The following CCNY variants were observed in gnomAD, a reference collection of about 807,000 sequenced individuals.
CCNY encodes cyclin Y, also known as cyclin-Y.
A neutral mutation model predicts 42.8 loss-of-function variants in CCNY; 19 were observed. That is an observed-to-expected ratio of 0.44 (90% CI 0.31 to 0.65). The LOEUF is 0.65. Ranked by LOEUF, CCNY falls within the 30% of genes least tolerant of loss-of-function variation. The probability of loss-of-function intolerance (pLI) is 0.07; values close to 1 mark genes in which losing one functional copy is unlikely to be tolerated. For missense variants in CCNY, 370 were observed against 437.3 expected (o/e 0.85, Z 1.37); for synonymous variants, 165 against 162.7 (o/e 1.01, Z -0.11).
rs185312004 is a variant in CCNY, at chr10:35,382,059, T to G, written c.154+44852T>G. 8.4e-3 allele frequency among the ~76,000 whole-genome samples: 1,277 copies of G among 152,018 alleles called. 7 individuals are homozygous for G. Among genetic ancestry groups the G allele is most frequent in the Non-Finnish European group, 0.012 (831 of 67,970 alleles). ...AATAATTTTTTTCATACATGGAGGG[T>G]GTGTTAAAAAATATTCCTTCCTGGG... On this transcript the variant is annotated intron_variant, in intron 1 of 9. Coordinates refer to ENST00000374704, the MANE Select transcript of CCNY (RefSeq NM_145012.6).
At position 35,412,048 on chromosome 10, in the gene CCNY, A is replaced by G. The variant is rs776164182; in HGVS notation, c.155-71356A>G. On this transcript the variant is annotated intron_variant, in intron 1 of 9. Transcript: ENST00000374704. ...AAGGAGCAGCTCCTGTGTGGGTCTG[A>G]GACATGCTGTTCTCATGGGAAAGGG... Among the ~76,000 whole-genome samples, 67 of 152,122 alleles carry G rather than the reference A, an allele frequency of 4.4e-4. 1 individual carries two copies. The highest frequency in any genetic ancestry group is 3.4e-4 in the Non-Finnish European group (23 of 68,032).
At chr10:35,430,336 CAA>C (rs397954370) in intron 1 of CCNY, among the ~76,000 whole-genome samples, 3 of 55,592 alleles carry the variant, frequency 5.4e-5, no homozygotes, top group African/African-American at 1.2e-4. Flanking sequence ...GACTCCGTCT[CAA>C]AAAAAAAAAA....
chr10:35,330,985 C>G (rs1261569865), intron 3 of CCNY, among the ~76,000 whole-genome samples: 1 of 152,194 alleles, frequency 6.6e-6, no homozygotes. Context: ...GTCTTGAACT[C>G]TCGACCTCAG....
At chr10:35,512,316 T>G (rs11010214) in intron 3 of CCNY, among the ~76,000 whole-genome samples, 2 of 151,912 alleles carry the variant, frequency 1.3e-5, no homozygotes, top group East Asian at 3.9e-4. Context: ...AAGGAGAGAT[T>G]TGGGACCCAA....
intron 1 of CCNY, among the ~76,000 whole-genome samples, chr10:35,364,690 T>A (rs1033160262): frequency 2.0e-5 from 3 of 152,234 alleles, no homozygotes; most frequent in African/African-American, 7.2e-5. Flanking sequence ...TGAATTGTGT[T>A]TTTATACTTC....
chr10:35,473,399 G>A (rs1188372133), intron 1 of CCNY, among the ~76,000 whole-genome samples: 1 of 152,144 alleles, frequency 6.6e-6, no homozygotes, highest in Non-Finnish European at 1.5e-5. Context: ...AATTTTATAA[G>A]TTCTTCTTCT....
Position 35,566,173 on chromosome 10 carries a change from T to A in CCNY, c.897T>A (p.Ala299=). The A allele has an allele frequency of 6.2e-7, 1 of 1,613,748 alleles. No homozygotes were observed. Among genetic ancestry groups the A allele is most frequent in the South Asian group, 1.1e-5 (1 of 90,974 alleles). The change falls in exon 9 of 10, where the codon GCT becomes GCA. Residue 299 remains alanine, a synonymous_variant. Transcript: ENST00000374704. ...FPLEPLSRER[A]HKLEAISRLC... ...TGGAGCCCCTGAGCAGGGAGAGGGC[T>A]CACAAGCTTGAGGTAAGATGGTTTA...
chr10:35,507,802 T>A (rs1327684014), intron 3 of CCNY, among the ~76,000 whole-genome samples: 2 of 152,110 alleles, frequency 1.3e-5, no homozygotes, highest in African/African-American at 2.4e-5. Context: ...GTTTTTTTTT[T>A]TTTTTTAAAT....
intron 1 of CCNY, among the ~76,000 whole-genome samples, chr10:35,366,746 A>G (rs758151476): frequency 2.6e-5 from 4 of 152,226 alleles, no homozygotes; most frequent in Non-Finnish European, 5.9e-5. Context: ...GAAATGTTAT[A>G]TATCTGCACT....
chr10:35,526,081 A>T (rs1840646484), intron 5 of CCNY, 82 bp downstream of exon 5: 1 of 1,212,362 alleles, frequency 8.2e-7, no homozygotes. Flanking sequence ...CTAGTTGCTT[A>T]AACCTTTGAA....
chr10:35,290,816 GA>G (rs1281056806), intron 3 of CCNY, among the ~76,000 whole-genome samples: 1 of 151,406 alleles, frequency 6.6e-6, no homozygotes. Context: ...TAACAACAAC[GA>G]AAAAAACAAA....
intron 1 of CCNY, among the ~76,000 whole-genome samples, chr10:35,426,578 CA>C (rs1457033304): frequency 6.6e-6 from 1 of 152,176 alleles, no homozygotes; most frequent in Non-Finnish European, 1.5e-5. Flanking sequence ...TTTAGGAAGG[CA>C]GGATTGTGTG....
At chr10:35,560,331 A>T (rs1336944863) in intron 8 of CCNY, among the ~76,000 whole-genome samples, 2 of 152,168 alleles carry the variant, frequency 1.3e-5, no homozygotes. Context: ...CCCAACCCCT[A>T]GTGTTTGAGA....
intron 3 of CCNY, among the ~76,000 whole-genome samples, chr10:35,273,815 A>G (rs1375271875): frequency 6.6e-6 from 1 of 152,104 alleles, no homozygotes; most frequent in Non-Finnish European, 1.5e-5. Context: ...GCTTACCACA[A>G]ACTCCCTACA....
At chr10:35,266,875 G>C (rs2095726113) in intron 3 of CCNY, among the ~76,000 whole-genome samples, 1 of 152,076 alleles carries the variant, frequency 6.6e-6, no homozygotes, top group African/African-American at 2.4e-5. Context: ...CCTGAGATCA[G>C]GAGTTCGAGA....
In CCNY at chr10:35,566,080, C is replaced by T; in HGVS notation, c.804C>T (p.Ser268=). The T allele has an allele frequency of 1.2e-6, 2 of 1,614,164 alleles. No homozygotes were observed. Among genetic ancestry groups the T allele is most frequent in the South Asian group, 1.1e-5 (1 of 91,070 alleles). Residue 268 remains serine (S), a synonymous_variant, in exon 9 of 10, where the codon TCC becomes TCT. Transcript: ENST00000374704. ...TGCAGTTCAACATCAATGTTCCTTC[C>T]AGTGTCTATGCCAAGTATTATTTTG... ...ELLQFNINVP[S]SVYAKYYFDL... is the part of the protein sequence containing the mutation.
chr10:35,459,676 A>G (rs1037116661), intron 1 of CCNY, among the ~76,000 whole-genome samples: 11 of 152,182 alleles, frequency 7.2e-5, no homozygotes, highest in African/African-American at 2.7e-4. Context: ...CTCCTAGGTT[A>G]GTAGTAGCGG....
At chr10:35,477,306 A>T (rs1839537455) in intron 1 of CCNY, among the ~76,000 whole-genome samples, 1 of 151,912 alleles carries the variant, frequency 6.6e-6, no homozygotes, top group Admixed American at 6.6e-5. Context: ...CATCATTCTG[A>T]TACCAAAGCC....
At chr10:35,423,861 C>T (rs561329850) in intron 1 of CCNY, among the ~76,000 whole-genome samples, 1 of 152,204 alleles carries the variant, frequency 6.6e-6, no homozygotes, top group Non-Finnish European at 1.5e-5. Flanking sequence ...ACTTACTTTT[C>T]ACCTAATAGA....
Sources: allele counts gnomAD v4.1 joint callset (sites outside exome capture counted in the v4.1 genomes callset), GRCh38; gene constraint gnomAD v4.1.1; transcripts MANE v1.5; gene names NCBI Gene and HGNC (gene_info 2026-07-23, HGNC 2026-07-21).